FHIT: variants seen among roughly 807,000 people sequenced by gnomAD.
FHIT encodes fragile histidine triad diadenosine triphosphatase.
In FHIT, 19 loss-of-function variants were observed where a neutral mutation model predicts 17.9. The ratio of observed to expected loss-of-function variants is 1.06; its 90% CI spans 0.74 to 1.56. The LOEUF (loss-of-function observed/expected upper bound fraction) is 1.56, where lower values mean the gene tolerates loss of function less well. FHIT is among the 40% of genes most tolerant of loss of function. The pLI is 0.00. For missense variants in FHIT, 248 were observed against 189.2 expected (o/e 1.31, Z -1.82); for synonymous variants, 81 against 69.7 (o/e 1.16, Z -0.81).
chr3:59,966,267 T>C (rs1021919155), intron 7 of FHIT, among the ~76,000 whole-genome samples: 1 of 152,194 alleles, frequency 6.6e-6, no homozygotes, highest in Non-Finnish European at 1.5e-5. Context: ...AGCATGTGGC[T>C]TGGACTGGAT....
intron 1 of FHIT, among the ~76,000 whole-genome samples, chr3:61,210,921 A>C (rs201634182): frequency 6.6e-6 from 1 of 151,840 alleles, no homozygotes; most frequent in East Asian, 2.0e-4. Context: ...GTAGACTGGA[A>C]CTGTTCCTAT....
At chr3:60,140,337 C>A (rs1020760522) in intron 5 of FHIT, among the ~76,000 whole-genome samples, 10 of 152,190 alleles carry the variant, frequency 6.6e-5, no homozygotes, top group Admixed American at 2.6e-4. Context: ...AGGGGTATGA[C>A]CTCAGCCCTG....
chr3:59,841,843 A>G (rs1037233284), intron 8 of FHIT, among the ~76,000 whole-genome samples: 3 of 152,166 alleles, frequency 2.0e-5, no homozygotes, highest in African/African-American at 7.2e-5. Context: ...AGGGGTATCT[A>G]TAGAGTTGGG....
At chr3:60,404,861 C>T (rs1701792814) in intron 5 of FHIT, among the ~76,000 whole-genome samples, 2 of 152,120 alleles carry the variant, frequency 1.3e-5, no homozygotes. Context: ...TTTCCAAGTT[C>T]CCATTCAGCA....
chr3:59,804,634 G>C (rs1700124737), intron 8 of FHIT, among the ~76,000 whole-genome samples: 2 of 152,194 alleles, frequency 1.3e-5, no homozygotes, highest in South Asian at 2.1e-4. Context: ...TAAATGAAGA[G>C]GATGAAGTAA....
intron 5 of FHIT, among the ~76,000 whole-genome samples, chr3:60,415,451 A>C (rs538656652): frequency 2.6e-5 from 4 of 152,162 alleles, no homozygotes; most frequent in African/African-American, 4.8e-5. Context: ...ACAATCATTA[A>C]ACGATTTCCT....
At chr3:59,828,674 T>C (rs1345686426) in intron 8 of FHIT, among the ~76,000 whole-genome samples, 1 of 152,232 alleles carries the variant, frequency 6.6e-6, no homozygotes, top group Non-Finnish European at 1.5e-5. Flanking sequence ...TCACCACTCA[T>C]TGAAAAACAG....
intron 4 of FHIT, among the ~76,000 whole-genome samples, chr3:60,569,057 G>A (rs1275492536): frequency 6.6e-6 from 1 of 151,554 alleles, no homozygotes; most frequent in Non-Finnish European, 1.5e-5. Flanking sequence ...CCAACTCTGG[G>A]CTTGCCTTAT....
At chr3:60,048,870 A>G (rs1261340985) in intron 5 of FHIT, among the ~76,000 whole-genome samples, 1 of 152,180 alleles carries the variant, frequency 6.6e-6, no homozygotes, top group African/African-American at 2.4e-5. Context: ...GGAAGATTTG[A>G]AAACATGATT....
chr3:60,728,704 T>C (rs62249303), intron 4 of FHIT, among the ~76,000 whole-genome samples: 4 of 147,298 alleles, frequency 2.7e-5, no homozygotes, highest in East Asian at 2.0e-4. Flanking sequence ...CACACACACA[T>C]ACACACACAC....
intron 8 of FHIT, among the ~76,000 whole-genome samples, chr3:59,890,145 A>G (rs1703793852): frequency 6.6e-6 from 1 of 152,158 alleles, no homozygotes; most frequent in African/African-American, 2.4e-5. Flanking sequence ...TCTATCAGTA[A>G]TTTCATTATT....
chr3:61,001,919 G>A (rs1235224636), intron 3 of FHIT, among the ~76,000 whole-genome samples: 2 of 152,018 alleles, frequency 1.3e-5, no homozygotes, highest in African/African-American at 4.8e-5. Flanking sequence ...TTAACATTGG[G>A]GAAAACTGGA....
At chr3:60,771,891 T>A (rs1052251481) in intron 4 of FHIT, among the ~76,000 whole-genome samples, 4 of 152,218 alleles carry the variant, frequency 2.6e-5, no homozygotes, top group Admixed American at 6.5e-5. Flanking sequence ...CAAGAATTTT[T>A]ATTAAGCCAA....
intron 2 of FHIT, among the ~76,000 whole-genome samples, chr3:61,104,676 C>A (rs2035939245): frequency 6.6e-6 from 1 of 152,112 alleles, no homozygotes; most frequent in Non-Finnish European, 1.5e-5. Context: ...CAAATTGGTT[C>A]CATTCTCCCC....
chr3:60,751,039 T>A (rs539231421), intron 4 of FHIT, among the ~76,000 whole-genome samples: 3 of 152,324 alleles, frequency 2.0e-5, no homozygotes, highest in African/African-American at 7.2e-5. Context: ...TATATGTGAC[T>A]AACAAACTGC....
chr3:60,904,724 A>C (rs1316191380), intron 3 of FHIT, among the ~76,000 whole-genome samples: 1 of 151,800 alleles, frequency 6.6e-6, no homozygotes, highest in African/African-American at 2.4e-5. Context: ...GGTGGATCAC[A>C]AGGTCAGGAG....
intron 3 of FHIT, among the ~76,000 whole-genome samples, chr3:60,877,526 C>T (rs185660252): frequency 1.6e-4 from 25 of 152,332 alleles, no homozygotes; most frequent in African/African-American, 5.8e-4. Flanking sequence ...CAAAATGGCA[C>T]AGTATCTCCC....
chr3:60,182,985 C>A (rs1702007014), intron 5 of FHIT, among the ~76,000 whole-genome samples: 1 of 151,430 alleles, frequency 6.6e-6, no homozygotes, highest in Non-Finnish European at 1.5e-5. Context: ...CTGTCCATGA[C>A]AACTCCCCCT....
chr3:59,945,608 A>G (rs1706762447), intron 7 of FHIT, among the ~76,000 whole-genome samples: 1 of 151,764 alleles, frequency 6.6e-6, no homozygotes, highest in African/African-American at 2.4e-5. Context: ...GACCGTGTAC[A>G]GAATGGTATT....
Sources: allele counts gnomAD v4.1 joint callset (sites outside exome capture counted in the v4.1 genomes callset), GRCh38; gene constraint gnomAD v4.1.1; transcripts MANE v1.5; gene names NCBI Gene and HGNC (gene_info 2026-07-23, HGNC 2026-07-21).